LONP2: variants seen among roughly 807,000 people sequenced by gnomAD.
The protein encoded by LONP2 is lon peptidase 2, peroxisomal, also known as lon protease homolog 2, peroxisomal.
In LONP2, 60 loss-of-function variants were observed where a neutral mutation model predicts 85.6. The observed-to-expected ratio is 0.70, with a 90% confidence interval of 0.57 to 0.87. LONP2 has a LOEUF of 0.87. Among genes scored for constraint, LONP2 ranks in the 40% least tolerant of loss-of-function variants. LONP2 has a pLI of 0.00. For synonymous variants in LONP2, 395 were observed against 389.7 expected (o/e 1.01, Z -0.16); for missense variants, 860 against 1,063.5 (o/e 0.81, Z 2.66).
chr16:48,264,131 A>G (rs547939198), intron 6 of LONP2, among the ~76,000 whole-genome samples: 4 of 152,306 alleles, frequency 2.6e-5, no homozygotes, highest in African/African-American at 9.6e-5. Flanking sequence ...AAAATTGCTA[A>G]TGAAGTTTCG....
chr16:48,265,778 G>A (rs1971977066), intron 6 of LONP2, among the ~76,000 whole-genome samples: 1 of 151,944 alleles, frequency 6.6e-6, no homozygotes, highest in South Asian at 2.1e-4. Flanking sequence ...ATTTTAATAG[G>A]GATTACATTG....
Position 48,355,028 on chromosome 16 carries a change from C to T in LONP2, c.*3226C>T, listed in dbSNP as rs1467148336. ...TGGCCAAATAATACACCACTATATC[C>T]ATAGACCGCATTTGGTTTATCCACT... On this transcript the variant is annotated 3_prime_UTR_variant, in exon 15 of 15. Transcript: ENST00000285737. The T allele has an allele frequency of 6.6e-6, 1 of 152,180 alleles. No homozygotes were observed. The highest frequency in any genetic ancestry group is 1.5e-5 in the Non-Finnish European group (1 of 68,012). The allele number at this position is 152,180 out of a possible 1,614,324, so 9.4% of individuals were successfully genotyped here. A position where few individuals can be genotyped will look rare whatever the true frequency, so the allele number is the denominator to read the frequency against.
intron 13 of LONP2, 37 bp from the exon 14 acceptor site, chr16:48,348,063 A>T (rs1960024376): frequency 2.6e-6 from 4 of 1,545,666 alleles, no homozygotes. Context: ...AACAGGTTTA[A>T]TTTTTCTACA....
chr16:48,251,685 T>G (rs952203849), intron 1 of LONP2, among the ~76,000 whole-genome samples: 2 of 152,224 alleles, frequency 1.3e-5, no homozygotes, highest in Non-Finnish European at 2.9e-5. Context: ...GAAAACTGAC[T>G]TGATGTTAGT....
At chr16:48,330,034 T>C (rs1959389793) in intron 11 of LONP2, among the ~76,000 whole-genome samples, 1 of 152,278 alleles carries the variant, frequency 6.6e-6, no homozygotes, top group Non-Finnish European at 1.5e-5. Context: ...TATTTCCATA[T>C]TGCTTTCCTG....
chr16:48,333,293 G>A (rs1959524312), intron 11 of LONP2, among the ~76,000 whole-genome samples: 1 of 152,158 alleles, frequency 6.6e-6, no homozygotes, highest in Admixed American at 6.5e-5. Flanking sequence ...TCAATATTTG[G>A]ACAAGATATC....
At chr16:48,301,847 A>T (rs768127795) in intron 10 of LONP2, among the ~76,000 whole-genome samples, 7 of 152,202 alleles carry the variant, frequency 4.6e-5, no homozygotes, top group Non-Finnish European at 1.0e-4. Context: ...GGTGCTGCAC[A>T]CTAAGTGTTC....
chr16:48,277,363 G>A lies in LONP2; in HGVS notation c.1267G>A (p.Gly423Ser), dbSNP rs966908169. The A allele has an allele frequency of 1.2e-6, 2 of 1,613,426 alleles. No homozygotes were observed. Among genetic ancestry groups the A allele is most frequent in the Non-Finnish European group, 8.5e-7 (1 of 1,179,692 alleles). ...GCGCACCTATGTTGGCAGCATGCCT[G>A]GTCGCATCATCAACGGCTTGAAGAC... The part of the protein sequence containing the change: ...HRRTYVGSMP[G>S]RIINGLKTVG... The change falls in exon 8 of 15, where the codon GGT becomes AGT. Residue 423 changes from glycine to serine, a missense_variant. Coordinates refer to ENST00000285737, the MANE Select transcript of LONP2 (RefSeq NM_031490.5).
rs540186875 is a variant in LONP2, at chr16:48,286,430, C to T, written c.1383+8951C>T. On this transcript the variant is annotated intron_variant, in intron 8 of 14. Transcript: ENST00000285737. ...TGCTGAGATTACAGTCGTGAGCCAC[C>T]GTGCCTGGCCGCTGATTTGTAATCT... Among the ~76,000 whole-genome samples the T allele has an allele frequency of 2.0e-5, 3 of 152,062 alleles. No individual in the cohort carries two copies. In the South Asian group the frequency reaches 6.2e-4, roughly 32 times the overall value.
intron 2 of LONP2, among the ~76,000 whole-genome samples, chr16:48,254,542 T>C (rs1971718666): frequency 6.6e-6 from 1 of 151,976 alleles, no homozygotes; most frequent in Admixed American, 6.6e-5. Context: ...TTTTTGTGTC[T>C]TTAGTAGAGA....
At chr16:48,361,847 C>G (rs1484550078), downstream of LONP2, 1 of 1,614,124 alleles carries the variant, frequency 6.2e-7, no homozygotes, top group Non-Finnish European at 8.5e-7. Context: ...TTTCCTGTTT[C>G]TCTAAGACTA....
At chr16:48,303,738 T>C (rs1319940065) in intron 11 of LONP2, among the ~76,000 whole-genome samples, 3 of 152,134 alleles carry the variant, frequency 2.0e-5, no homozygotes, top group African/African-American at 7.2e-5. Context: ...CAGCCTTCAG[T>C]CTGTGGCCGA....
At chr16:48,324,721 G>A (rs1255004450) in intron 11 of LONP2, among the ~76,000 whole-genome samples, 2 of 152,082 alleles carry the variant, frequency 1.3e-5, no homozygotes, top group Non-Finnish European at 1.5e-5. Flanking sequence ...GCCCTATGAC[G>A]AATGGTATGG....
At chr16:48,269,454 G>A (rs1259260600) in intron 6 of LONP2, among the ~76,000 whole-genome samples, 1 of 152,062 alleles carries the variant, frequency 6.6e-6, no homozygotes, top group Non-Finnish European at 1.5e-5. Flanking sequence ...AAAGTTGTCT[G>A]TCATATATTA....
In LONP2 at chr16:48,244,354, CTT is replaced by C. The variant is rs1567300864; in HGVS notation, c.-31_-30del. 6.8e-7 allele frequency: 1 copy of C among 1,476,040 alleles called. No homozygotes were observed. The highest frequency in any genetic ancestry group is 2.1e-5 in the Admixed American group (1 of 48,336). The allele number at this position is 1,476,040 out of a possible 1,614,324, so 91.4% of individuals were successfully genotyped here. A position where few individuals can be genotyped will look rare whatever the true frequency, so the allele number is the denominator to read the frequency against. On this transcript the variant is annotated 5_prime_UTR_variant, in exon 1 of 15. Transcript: ENST00000285737. ...GCCGGGGGCAGCTGTCTGTCTGGCT[CTT>C]TTTGACAGCCCCCAGTGCGAAAGGC...
intron 11 of LONP2, among the ~76,000 whole-genome samples, chr16:48,330,638 C>G (rs780031857): frequency 6.6e-6 from 1 of 152,104 alleles, no homozygotes; most frequent in Non-Finnish European, 1.5e-5. Context: ...CTAGGAAGAT[C>G]CAGTGTTTCC....
chr16:48,325,831 A>G (rs1297768963), intron 11 of LONP2, among the ~76,000 whole-genome samples: 1 of 152,158 alleles, frequency 6.6e-6, no homozygotes, highest in Non-Finnish European at 1.5e-5. Flanking sequence ...AAACCTCCAT[A>G]CTGTTTTCCA....
intron 8 of LONP2, among the ~76,000 whole-genome samples, chr16:48,282,767 A>G (rs1168972159): frequency 1.3e-5 from 2 of 152,186 alleles, no homozygotes; most frequent in Non-Finnish European, 2.9e-5. Flanking sequence ...AATTAGGCCA[A>G]GTAATAACCC....
chr16:48,315,833 G>C lies in LONP2; in HGVS notation c.1795+12528G>C, dbSNP rs1158657660. On this transcript the variant is annotated intron_variant, in intron 11 of 14. Coordinates refer to ENST00000285737, the MANE Select transcript of LONP2 (RefSeq NM_031490.5). ...TTATCCTCCTTTCTATTTTTTTTTT[G>C]TTTGTTAATTTTTCTCTCTCATTCA... 2.0e-5 allele frequency among the ~76,000 whole-genome samples: 3 copies of C among 148,286 alleles called. No homozygotes were observed. In the South Asian group the frequency reaches 6.3e-4, roughly 31 times the overall value.
Sources: gnomAD v4.1 joint callset for allele counts (sites outside exome capture counted in the v4.1 genomes callset) on GRCh38, gnomAD v4.1.1 for gene constraint, MANE v1.5 for transcripts, NCBI Gene and HGNC (gene_info 2026-07-23, HGNC 2026-07-21) for gene names.